The following LRRC56 variants were observed in gnomAD, a reference collection of about 807,000 sequenced individuals.
LRRC56 encodes leucine rich repeat containing 56.
In LRRC56, 41 loss-of-function variants were observed where a neutral mutation model predicts 47.8. That is an observed-to-expected ratio of 0.86 (90% CI 0.67 to 1.11). The LOEUF (loss-of-function observed/expected upper bound fraction) is 1.11, where lower values mean the gene tolerates loss of function less well. LRRC56 is among the 50% of genes most tolerant of loss of function. The probability of loss-of-function intolerance (pLI) is 0.00; values close to 1 mark genes in which losing one functional copy is unlikely to be tolerated. For synonymous variants in LRRC56, 387 were observed against 311.2 expected (o/e 1.24, Z -2.56); for missense variants, 759 against 704.2 (o/e 1.08, Z -0.88).
the LRRC56 span, among the ~76,000 whole-genome samples, chr11:532,021 C>T: frequency 2.0e-5 from 3 of 152,206 alleles, no homozygotes; most frequent in East Asian, 1.9e-4. Context: ...AGCTCTCTGT[C>T]CTTATGATCT....
chr11:532,939 C>T (rs546458687), upstream of LRRC56, among the ~76,000 whole-genome samples: 70 of 152,318 alleles, frequency 4.6e-4, no homozygotes, highest in Non-Finnish European at 7.2e-4. Context: ...CAGGGCCACC[C>T]GCATCATGCT....
chr11:526,032 C>T, the LRRC56 span, among the ~76,000 whole-genome samples: 1 of 151,978 alleles, frequency 6.6e-6, no homozygotes, highest in Non-Finnish European at 1.5e-5. Flanking sequence ...CTGGTGAAAC[C>T]GTGTCTCTAC....
chr11:550,266 C>A lies in LRRC56; in HGVS notation c.618C>A (p.Thr206=). 1.3e-6 allele frequency: 2 copies of A among 1,586,786 alleles called. No individual in the cohort carries two copies. The highest frequency in any genetic ancestry group is 1.7e-6 in the Non-Finnish European group (2 of 1,166,348). The change falls in exon 8 of 14, where the codon ACC becomes ACA. Residue 206 remains threonine (T), a synonymous_variant. Coordinates refer to ENST00000270115, the MANE Select transcript of LRRC56 (RefSeq NM_198075.4). ...GCCTACAGCCGGCCCCTGGCCCCAC[C>A]AACAAGGTGCGTGTCCCGGGCACCC... ...LVCLQPAPGP[T]NKVPRGYNYR...
intron 6 of LRRC56, among the ~76,000 whole-genome samples, chr11:545,940 C>A (rs1303395843): frequency 6.6e-6 from 1 of 152,170 alleles, no homozygotes; most frequent in Admixed American, 6.6e-5. Context: ...TGAATGTTTT[C>A]TTGATTTTCC....
At chr11:507,675 G>A in the LRRC56 span, among the ~76,000 whole-genome samples, 2 of 152,246 alleles carry the variant, frequency 1.3e-5, no homozygotes, top group Non-Finnish European at 2.9e-5. Flanking sequence ...CGGGACAGGA[G>A]GGACCCGGGA....
chr11:534,447 C>T (rs1851332545), upstream of LRRC56: 1 of 755,648 alleles, frequency 1.3e-6, no homozygotes, highest in South Asian at 1.6e-5. Flanking sequence ...GCTGGCAGGG[C>T]CATCTGAAGG....
chr11:550,548 A>G (rs1337713539), intron 8 of LRRC56, among the ~76,000 whole-genome samples: 1 of 152,146 alleles, frequency 6.6e-6, no homozygotes, highest in Non-Finnish European at 1.5e-5. Flanking sequence ...AGCCACGTGG[A>G]AACACAAAGA....
the LRRC56 span, among the ~76,000 whole-genome samples, chr11:512,841 C>G: frequency 6.6e-6 from 1 of 152,194 alleles, no homozygotes; most frequent in Non-Finnish European, 1.5e-5. Context: ...GGCTGAGCCC[C>G]TCGAGGGTTC....
In LRRC56 at chr11:554,675, C is replaced by T; in HGVS notation, c.*399C>T. 1 of 413,910 alleles carries T rather than the reference C, an allele frequency of 2.4e-6. No homozygotes were observed. The highest frequency in any genetic ancestry group is 4.3e-6 in the Non-Finnish European group (1 of 230,860). The allele number at this position is 413,910 out of a possible 1,614,324, so 25.6% of individuals were successfully genotyped here. On this transcript the variant is annotated 3_prime_UTR_variant, in exon 14 of 14. Transcript: ENST00000270115. ...TCCCTTGCCGGCCCCAGGGTAAGAG[C>T]CACCTCCTAGGCCGCAGTGGCCCAA...
At chr11:512,326 C>T in the LRRC56 span, among the ~76,000 whole-genome samples, 1 of 151,978 alleles carries the variant, frequency 6.6e-6, no homozygotes, top group East Asian at 1.9e-4. Flanking sequence ...ACCTCTGCAT[C>T]CCAGTTCAAG....
chr11:532,972 G>C (rs1851197148), upstream of LRRC56, among the ~76,000 whole-genome samples: 1 of 152,204 alleles, frequency 6.6e-6, no homozygotes, highest in Non-Finnish European at 1.5e-5. Context: ...CAAAGGTCAG[G>C]GTGGCCCGGG....
At chr11:528,621 G>A in the LRRC56 span, 2 of 152,236 alleles carry the variant, frequency 1.3e-5, no homozygotes, top group East Asian at 3.8e-4. Context: ...GGGTGGAGAG[G>A]GCCGAGTGTG....
At chr11:533,257 T>G, upstream of LRRC56, 2 of 1,560,372 alleles carry the variant, frequency 1.3e-6, no homozygotes, top group South Asian at 1.1e-5. Context: ...CTCACTGCCC[T>G]GCCGTCCCGG....
the LRRC56 span, among the ~76,000 whole-genome samples, chr11:521,365 G>A: frequency 6.6e-6 from 1 of 152,146 alleles, no homozygotes; most frequent in African/African-American, 2.4e-5. Context: ...CTGGAGTGCA[G>A]TGCCATGATC....
chr11:532,758 G>A (rs1158205210), upstream of LRRC56: 2 of 1,612,182 alleles, frequency 1.2e-6, no homozygotes, highest in Non-Finnish European at 1.7e-6. Flanking sequence ...TCCACTCCCT[G>A]GGAAAGGAGG....
At chr11:545,744 G>C (rs1249838049) in intron 6 of LRRC56, among the ~76,000 whole-genome samples, 1 of 152,182 alleles carries the variant, frequency 6.6e-6, no homozygotes, top group Non-Finnish European at 1.5e-5. Flanking sequence ...CTTTATTCTG[G>C]GGGTTTGGGC....
chr11:542,830 A>G (rs1851868125), intron 5 of LRRC56, among the ~76,000 whole-genome samples: 1 of 152,080 alleles, frequency 6.6e-6, no homozygotes. Flanking sequence ...AAAGTCAGGA[A>G]TTACACCTGT....
At chr11:514,368 C>T in the LRRC56 span, among the ~76,000 whole-genome samples, 90 of 151,824 alleles carry the variant, frequency 5.9e-4, 1 homozygote, top group Non-Finnish European at 1.2e-3. Flanking sequence ...CTCACGGCAA[C>T]CTCTGCCTCC....
Position 554,012 on chromosome 11 carries a change from C to A in LRRC56, c.1365C>A (p.His455Gln), listed in dbSNP as rs756247944. Residue 455 changes from histidine to glutamine, a missense_variant, in exon 14 of 14, where the codon CAC becomes CAA. Physicochemically the swap from His to Gln is conservative, Grantham distance 24 (BLOSUM62 0). Coordinates refer to ENST00000270115, the MANE Select transcript of LRRC56 (RefSeq NM_198075.4). ...ACCTGGTCCCTTCACCTCCCAAGCACCCAAGGCCACGAGATTCTGGCAGCA... is the reference window on the plus strand; with the variant it reads ...ACCTGGTCCCTTCACCTCCCAAGCAACCAAGGCCACGAGATTCTGGCAGCA... ...SQHLVPSPPK[H>Q]PRPRDSGSSS... The A allele has an allele frequency of 1.7e-5, 27 of 1,612,180 alleles. No homozygotes were observed. The South Asian group carries it at 3.0e-4, about 18-fold the overall frequency.
Sources: allele counts gnomAD v4.1 joint callset (sites outside exome capture counted in the v4.1 genomes callset), GRCh38; gene constraint gnomAD v4.1.1; transcripts MANE v1.5; gene names NCBI Gene and HGNC (gene_info 2026-07-23, HGNC 2026-07-21).